PTPRB: variants seen among roughly 807,000 people sequenced by gnomAD.
PTPRB encodes receptor-type tyrosine-protein phosphatase beta.
Under a neutral mutation model 238.1 loss-of-function variants are expected in PTPRB, and 97 were observed. That is an observed-to-expected ratio of 0.41 (90% CI 0.35 to 0.48). PTPRB has a LOEUF of 0.48. Among genes scored for constraint, PTPRB ranks in the 20% least tolerant of loss-of-function variants. The pLI is 0.30. For synonymous variants in PTPRB, 970 were observed against 995.4 expected (o/e 0.97, Z 0.48); for missense variants, 2,292 against 2,681.9 (o/e 0.85, Z 3.21).
chr12:70,533,731 A>G (rs1873654889), intron 31 of PTPRB, among the ~76,000 whole-genome samples: 1 of 152,124 alleles, frequency 6.6e-6, no homozygotes, highest in South Asian at 2.1e-4. Flanking sequence ...GCCTTGTGAA[A>G]CAGTTGGAGG....
chr12:70,633,982 C>A (rs1388701195), intron 2 of PTPRB, among the ~76,000 whole-genome samples: 4 of 151,998 alleles, frequency 2.6e-5, no homozygotes, highest in African/African-American at 9.7e-5. Flanking sequence ...GATAGATGAA[C>A]CACAGGAAAG....
intron 22 of PTPRB, chr12:70,542,941 G>T (rs1305217576): frequency 6.6e-6 from 1 of 151,048 alleles, no homozygotes; most frequent in African/African-American, 2.4e-5. Flanking sequence ...TATATATAGT[G>T]TAATTTGTGT....
At chr12:70,633,269 G>T (rs1447294339) in intron 2 of PTPRB, among the ~76,000 whole-genome samples, 1 of 152,084 alleles carries the variant, frequency 6.6e-6, no homozygotes. Flanking sequence ...AGGTCTACAA[G>T]TATTATTCTT....
Position 70,539,021 on chromosome 12 carries a change from G to T in PTPRB, c.5779-7C>A, listed in dbSNP as rs1233852746. The T allele has an allele frequency of 6.2e-7, 1 of 1,605,716 alleles. No individual in the cohort carries two copies. The highest frequency in any genetic ancestry group is 1.3e-5 in the African/African-American group (1 of 74,826). On this transcript the variant is annotated splice_region_variant and splice_polypyrimidine_tract_variant and intron_variant, in intron 26 of 33. Transcript: ENST00000334414. ...GGCCCACGTCTTTTAACTCCTGTTA[G>T]GTCAAATATGAGTTTGTAAGTGGAG...
chr12:70,571,255 G>A lies in PTPRB; in HGVS notation c.3141C>T (p.Asn1047=). The A allele has an allele frequency of 6.2e-7, 1 of 1,608,488 alleles. No individual in the cohort carries two copies. Among genetic ancestry groups the A allele is most frequent in the Non-Finnish European group, 8.5e-7 (1 of 1,174,924 alleles). ...PEPVKDLTLR[N]RSTEDLHVTW... ...TCACATGCAAGTCCTCAGTGCTCCT[G>A]TTGCGCAATGTTAGATCCTTAACAG... The change falls in exon 13 of 34, where the codon AAC becomes AAT. Residue 1047 remains asparagine (N), a synonymous_variant. Transcript: ENST00000334414.
intron 33 of PTPRB, among the ~76,000 whole-genome samples, chr12:70,522,371 G>T (rs1029819342): frequency 1.3e-5 from 2 of 152,166 alleles, no homozygotes; most frequent in African/African-American, 4.8e-5. Context: ...TCAGATAATG[G>T]CAGCCCCAGT....
intron 4 of PTPRB, 45 bp from the exon 5 acceptor site, chr12:70,596,372 A>G: frequency 7.5e-7 from 1 of 1,327,856 alleles, no homozygotes; most frequent in East Asian, 2.7e-5. Flanking sequence ...AAAAAGAAAG[A>G]AAAAGAAAAA....
At chr12:70,524,969 A>G (rs1422271575) in intron 32 of PTPRB, among the ~76,000 whole-genome samples, 2 of 130,978 alleles carry the variant, frequency 1.5e-5, no homozygotes, top group Non-Finnish European at 3.2e-5. Context: ...GTATGTGTAT[A>G]TATGTGTGTG....
chr12:70,575,654 C>G (rs1880602935), intron 11 of PTPRB, among the ~76,000 whole-genome samples: 1 of 152,172 alleles, frequency 6.6e-6, no homozygotes, highest in Non-Finnish European at 1.5e-5. Flanking sequence ...CAGAAATCAA[C>G]CCATAGCTTA....
At chr12:70,571,436 A>G in intron 12 of PTPRB, 147 bp from the exon 13 acceptor site, 1 of 811,162 alleles carries the variant, frequency 1.2e-6, no homozygotes, top group African/African-American at 1.7e-5. Flanking sequence ...ATTAAACAAG[A>G]AAAATTGGAA....
chr12:70,522,367 A>T (rs976969153), intron 33 of PTPRB, among the ~76,000 whole-genome samples: 1 of 152,342 alleles, frequency 6.6e-6, no homozygotes, highest in East Asian at 1.9e-4. Flanking sequence ...ACCTTCAGAT[A>T]ATGGCAGCCC....
At position 70,622,509 on chromosome 12, in the gene PTPRB, C is replaced by T. The variant is rs1370333087; in HGVS notation, c.589G>A (p.Ala197Thr). 1 of 1,613,224 alleles carries T rather than the reference C, an allele frequency of 6.2e-7. No individual in the cohort carries two copies. Among genetic ancestry groups the T allele is most frequent in the Admixed American group, 1.7e-5 (1 of 59,854 alleles). ...NTTEAFIRNA[A>T]ENYSQNSSER... ...CTGCTGTTTTGGCTGTAGTTTTCTGCAGCATTTCTGATGAAGGCCTCTGTG... is the reference window on the plus strand; with the variant it reads ...CTGCTGTTTTGGCTGTAGTTTTCTGTAGCATTTCTGATGAAGGCCTCTGTG... The change falls in exon 3 of 34, where the codon GCA (alanine) becomes ACA (threonine). Residue 197 changes from alanine (A) to threonine (T), a missense_variant. This residue lies in a region of PTPRB where 1,205 missense variants were observed against 1,287.8 expected (regional missense o/e 0.94). Transcript: ENST00000334414.
chr12:70,526,405 T>C (rs1355853122), intron 32 of PTPRB, among the ~76,000 whole-genome samples: 1 of 152,144 alleles, frequency 6.6e-6, no homozygotes, highest in African/African-American at 2.4e-5. Flanking sequence ...AGGATCTTGC[T>C]CTGTTGCCCA....
intron 26 of PTPRB, 98 bp downstream of exon 26, chr12:70,539,527 T>A: frequency 2.0e-6 from 2 of 979,592 alleles, no homozygotes; most frequent in Middle Eastern, 3.2e-4. Flanking sequence ...GCCTCCTAAC[T>A]TCTGAGCTCA....
intron 3 of PTPRB, among the ~76,000 whole-genome samples, chr12:70,613,702 T>C (rs1884559617): frequency 1.3e-5 from 2 of 152,232 alleles, no homozygotes; most frequent in South Asian, 4.1e-4. Flanking sequence ...TGGAGGATTC[T>C]GTTAGAGCAG....
chr12:70,548,868 C>G (rs1876478138), intron 21 of PTPRB, among the ~76,000 whole-genome samples: 1 of 152,170 alleles, frequency 6.6e-6, no homozygotes, highest in Non-Finnish European at 1.5e-5. Flanking sequence ...TCCCACTATT[C>G]ATTCCACATT....
Position 70,560,810 on chromosome 12 carries a change from G to A in PTPRB, c.4293C>T (p.Gly1431=), listed in dbSNP as rs776896768. The change falls in exon 17 of 34, where the codon GGC becomes GGT. Residue 1431 remains glycine (G), a synonymous_variant. Transcript: ENST00000334414. This position sits in a 1 kb window ranked among gnomAD's most constrained non-coding sequence, Gnocchi z 4.2. ...TGTCTTTCCAGTTTTCCTTCTTTGTGCCATTGGGATTATAGAGAATCAGCT... is the reference window on the plus strand; with the variant it reads ...TGTCTTTCCAGTTTTCCTTCTTTGTACCATTGGGATTATAGAGAATCAGCT... ...FYELILYNPN[G]TKKENWKDKD... 41 of 1,613,770 alleles carry A rather than the reference G, an allele frequency of 2.5e-5. No individual in the cohort carries two copies. In the South Asian group the frequency reaches 4.5e-4, roughly 18 times the overall value.
chr12:70,553,320 A>C (rs1228164467), intron 20 of PTPRB, among the ~76,000 whole-genome samples: 1 of 152,226 alleles, frequency 6.6e-6, no homozygotes, highest in African/African-American at 2.4e-5. Flanking sequence ...TCACAACTCC[A>C]GAGTGTTGGA....
At position 70,560,766 on chromosome 12, in the gene PTPRB, C is replaced by G; in HGVS notation, c.4337G>C (p.Arg1446Pro). Residue 1446 changes from arginine (R) to proline (P), a missense_variant, in exon 17 of 34, where the codon CGG becomes CCG. By Grantham distance (103) the Arg-to-Pro change is moderately radical (BLOSUM62 -2). Around this residue, in one of 4 missense-constraint regions of PTPRB, gnomAD observed 683 missense variants for 862.0 expected, o/e 0.79. Coordinates refer to ENST00000334414, the MANE Select transcript of PTPRB (RefSeq NM_001109754.4). This position sits in a 1 kb window ranked among gnomAD's most constrained non-coding sequence, Gnocchi z 4.2. ...CCTTCCAGGAACAAGGCCTTGAAACCGCCACTCCGTCAGGTCCTTGTCTTT... is the reference window on the plus strand; with the variant it reads ...CCTTCCAGGAACAAGGCCTTGAAACGGCCACTCCGTCAGGTCCTTGTCTTT... ...NWKDKDLTEW[R>P]FQGLVPGRKY... 1.9e-6 allele frequency: 3 copies of G among 1,613,944 alleles called. No homozygotes were observed. The highest frequency in any genetic ancestry group is 2.5e-6 in the Non-Finnish European group (3 of 1,179,888).
Sources: gnomAD v4.1 joint callset for allele counts (sites outside exome capture counted in the v4.1 genomes callset) on GRCh38, gnomAD v4.1.1 for gene constraint, gnomAD v4.1.1 regional missense constraint, Gnocchi (gnomAD v3.1) non-coding constraint, MANE v1.5 for transcripts, NCBI Gene and HGNC (gene_info 2026-07-23, HGNC 2026-07-21) for gene names.